Variants in CFTR observed in about 807,000 individuals in gnomAD.
CFTR encodes the protein cystic fibrosis transmembrane conductance regulator.
In CFTR, 181 loss-of-function variants were observed where a neutral mutation model predicts 171.6. The observed-to-expected ratio is 1.05, with a 90% CI of 0.93 to 1.19. The LOEUF (loss-of-function observed/expected upper bound fraction) is 1.19. CFTR is among the 50% of genes most tolerant of loss of function. The probability of loss-of-function intolerance (pLI) is 0.00; values close to 1 mark genes in which losing one functional copy is unlikely to be tolerated. For synonymous variants in CFTR, 583 were observed against 608.0 expected, an observed-to-expected ratio of 0.96 and a Z score of 0.60; for missense variants, 1,968 against 1,734.7, an observed-to-expected ratio of 1.13 and a Z score of -2.39.
intron 3 of CFTR, among the ~76,000 whole-genome samples, chr7:117,521,384 A>C (rs1369581419): frequency 6.6e-6 from 1 of 152,026 alleles, no homozygotes; most frequent in African/African-American, 2.4e-5. Flanking sequence ...CTCTAAATGT[A>C]ATGCATCTAG....
chr7:117,512,570 G>A (rs568284551), intron 3 of CFTR, among the ~76,000 whole-genome samples: 3 of 149,450 alleles, frequency 2.0e-5, no homozygotes, highest in Non-Finnish European at 4.4e-5. Context: ...GGAGGCAGAG[G>A]TTGCAGTGAG....
chr7:117,617,980 C>T (rs369676657), intron 21 of CFTR, among the ~76,000 whole-genome samples: 15 of 152,228 alleles, frequency 9.9e-5, no homozygotes, highest in African/African-American at 3.4e-4. Context: ...CTTGCCAGAG[C>T]CAATTTCCTT....
intron 4 of CFTR, among the ~76,000 whole-genome samples, chr7:117,532,723 T>C (rs971076743): frequency 3.9e-5 from 6 of 152,270 alleles, no homozygotes; most frequent in East Asian, 1.9e-4. Context: ...TTAGGTGGTA[T>C]TGTATCTGTC....
intron 19 of CFTR, 111 bp downstream of exon 19, chr7:117,610,780 A>G (rs1002497147): frequency 4.5e-6 from 5 of 1,115,312 alleles, no homozygotes; most frequent in African/African-American, 1.6e-5. Context: ...CTTTTACATC[A>G]TATAACAATA....
At chr7:117,604,417 A>G (rs1249161594) in intron 17 of CFTR, among the ~76,000 whole-genome samples, 1 of 152,188 alleles carries the variant, frequency 6.6e-6, no homozygotes, top group Non-Finnish European at 1.5e-5. Context: ...GAGGTTAATA[A>G]GGATTTCCCC....
chr7:117,619,633 T>C (rs920497797), intron 21 of CFTR, among the ~76,000 whole-genome samples: 1 of 151,418 alleles, frequency 6.6e-6, no homozygotes, highest in Non-Finnish European at 1.5e-5. Context: ...GTGAATATTA[T>C]TCTGTTTCTT....
At chr7:117,563,095 G>A (rs930169165) in intron 11 of CFTR, among the ~76,000 whole-genome samples, 3 of 152,110 alleles carry the variant, frequency 2.0e-5, no homozygotes, top group Non-Finnish European at 2.9e-5. Flanking sequence ...TAAGGTGGAC[G>A]TGATTAGAAG....
chr7:117,500,862 G>A (rs1268176443), intron 1 of CFTR, among the ~76,000 whole-genome samples: 4 of 152,114 alleles, frequency 2.6e-5, no homozygotes, highest in Non-Finnish European at 5.9e-5. Context: ...GCTAGGCTAT[G>A]GCATTCTTGC....
At chr7:117,643,045 A>G (rs1792945375) in intron 23 of CFTR, among the ~76,000 whole-genome samples, 1 of 152,176 alleles carries the variant, frequency 6.6e-6, no homozygotes, top group African/African-American at 2.4e-5. Flanking sequence ...GGGATGAACA[A>G]TGTCAGATTA....
chr7:117,535,278 G>A lies in CFTR; in HGVS notation c.610G>A (p.Ala204Thr), dbSNP rs748026786. The A allele has an allele frequency of 5.0e-6, 8 of 1,612,144 alleles. No homozygotes were observed. Among genetic ancestry groups the A allele is most frequent in the African/African-American group, 4.0e-5 (3 of 74,238 alleles). Residue 204 changes from alanine (A) to threonine (T), a missense_variant, in exon 6 of 27, where the codon GCT becomes ACT. By Grantham distance (58) the Ala-to-Thr change is moderately conservative. Coordinates refer to ENST00000003084, the MANE Select transcript of CFTR (RefSeq NM_000492.4). The stretch of plus-strand genomic sequence containing the variant: ...TGCATTGGCACATTTCGTGTGGATC[G>A]CTCCTTTGCAAGTGGCACTCCTCAT... ...GLALAHFVWIAPLQVALLMGL... is the reference protein window; with the variant it reads ...GLALAHFVWITPLQVALLMGL...
Position 117,667,250 on chromosome 7 carries a change from A to AATAATACTAATAATTACTGT in CFTR, c.*143_*144insTAATACTAATAATTACTGTA. 2.5e-6 allele frequency: 2 copies of AATAATACTAATAATTACTGT among 788,606 alleles called. No individual in the cohort carries two copies. Among genetic ancestry groups the AATAATACTAATAATTACTGT allele is most frequent in the Admixed American group, 4.1e-5 (2 of 49,054 alleles). 48.9% of individuals were successfully genotyped at this position (788,606 alleles called of 1,614,324 possible). A position where few individuals can be genotyped will look rare whatever the true frequency, so the allele number is the denominator to read the frequency against. ...GAATTAAGTTTTTTTTTAAAAAAGA[A>AATAATACTAATAATTACTGT]ACATTTGGTAAGGGGAATTGAGGAC... On this transcript the variant is annotated 3_prime_UTR_variant, in exon 27 of 27. Transcript: ENST00000003084.
At chr7:117,621,618 C>T (rs1297221612) in intron 21 of CFTR, among the ~76,000 whole-genome samples, 5 of 152,130 alleles carry the variant, frequency 3.3e-5, no homozygotes. Flanking sequence ...GGCTTAATGA[C>T]AGAGTACTTT....
At chr7:117,638,783 T>TAAA (rs1562922278) in intron 22 of CFTR, among the ~76,000 whole-genome samples, 104 of 143,308 alleles carry the variant, frequency 7.3e-4, no homozygotes, top group African/African-American at 2.9e-3. Context: ...AATAAAAAAA[T>TAAA]AAAATAAAAC....
chr7:117,545,969 C>T (rs1255233191), intron 9 of CFTR, among the ~76,000 whole-genome samples: 1 of 151,204 alleles, frequency 6.6e-6, no homozygotes, highest in Non-Finnish European at 1.5e-5. Context: ...CAGACACACA[C>T]CACCATGCCT....
rs561571948 is a variant in CFTR at position 117,594,866 on chromosome 7, A to G, written c.2491-64A>G. 4.2e-5 allele frequency: 62 copies of G among 1,482,520 alleles called. 1 individual carries two copies. The African/African-American group carries it at 6.9e-4, about 17-fold the overall frequency. The allele number at this position is 1,482,520 out of a possible 1,614,324, so 91.8% of individuals were successfully genotyped here. A position where few individuals can be genotyped will look rare whatever the true frequency, so the allele number is the denominator to read the frequency against. On this transcript the variant is annotated intron_variant, in intron 14 of 26. Transcript: ENST00000003084. ...TCTTTTATTTTCATATATTAAAAAT[A>G]AAACCACAATGGTGGCATGAAACTG...
intron 11 of CFTR, among the ~76,000 whole-genome samples, chr7:117,568,220 A>C (rs564083442): frequency 1.3e-5 from 2 of 152,272 alleles, no homozygotes; most frequent in Admixed American, 1.3e-4. Flanking sequence ...TTGGGAGAGG[A>C]CAGTTATATC....
intron 26 of CFTR, 48 bp from the exon 27 acceptor site, chr7:117,666,860 G>A (rs761914845): frequency 6.4e-7 from 1 of 1,553,456 alleles, no homozygotes; most frequent in Admixed American, 1.7e-5. Flanking sequence ...CCCTGCTCTG[G>A]TCTGACCTGC....
At chr7:117,512,705 T>A (rs1014377811) in intron 3 of CFTR, among the ~76,000 whole-genome samples, 1 of 146,716 alleles carries the variant, frequency 6.8e-6, no homozygotes, top group African/African-American at 2.5e-5. Flanking sequence ...AATGTGAGAG[T>A]CAGTCAAGGA....
chr7:117,598,728 C>G (rs1792176837), intron 15 of CFTR, among the ~76,000 whole-genome samples: 1 of 152,184 alleles, frequency 6.6e-6, no homozygotes, highest in Non-Finnish European at 1.5e-5. Context: ...AGTGCCAACT[C>G]TGGACTCCGA....
Sources: allele counts gnomAD v4.1 joint callset (sites outside exome capture counted in the v4.1 genomes callset), GRCh38; gene constraint gnomAD v4.1.1; transcripts MANE v1.5; gene names NCBI Gene and HGNC (gene_info 2026-07-23, HGNC 2026-07-21).